The following GLIS1 variants were observed in gnomAD, a reference collection of about 807,000 sequenced individuals.
GLIS1 encodes zinc finger protein GLIS1.
Under a neutral mutation model 63.8 loss-of-function variants are expected in GLIS1, and 24 were observed. That is an observed-to-expected ratio of 0.38 (90% CI 0.27 to 0.53). GLIS1 has a LOEUF of 0.53. Ranked by LOEUF, GLIS1 falls within the 20% of genes least tolerant of loss-of-function variation. GLIS1 has a pLI of 0.85. For synonymous variants in GLIS1, 450 were observed against 482.5 expected, an observed-to-expected ratio of 0.93 and a Z score of 0.88; for missense variants, 1,036 against 1,074.1, an observed-to-expected ratio of 0.96 and a Z score of 0.50.
At chr1:53,634,340 A>G (rs999611063) in intron 2 of GLIS1, among the ~76,000 whole-genome samples, 1 of 152,218 alleles carries the variant, frequency 6.6e-6, no homozygotes, top group African/African-American at 2.4e-5. Context: ...GAATGAATAT[A>G]AAAAGAAAAG....
At chr1:53,518,178 C>T (rs1367025946) in intron 7 of GLIS1, among the ~76,000 whole-genome samples, 1 of 152,192 alleles carries the variant, frequency 6.6e-6, no homozygotes, top group African/African-American at 2.4e-5. Context: ...CTCCCCGCTG[C>T]ACTGGAAGCA....
chr1:53,594,402 G>T lies in GLIS1; in HGVS notation c.1026C>A (p.Pro342=), dbSNP rs770329114. 1 of 1,612,144 alleles carries T rather than the reference G, an allele frequency of 6.2e-7. No individual in the cohort carries two copies. Among genetic ancestry groups the T allele is most frequent in the Non-Finnish European group, 8.5e-7 (1 of 1,179,494 alleles). ...CAGGCGGCAACTGAGACAGGGGATAGGGGGGCGGCAGGCCCTGCTGGTGAG... is the reference window on the plus strand; with the variant it reads ...CAGGCGGCAACTGAGACAGGGGATATGGGGGCGGCAGGCCCTGCTGGTGAG... ...FGPHQQGLPP[P]YPLSQLPPGP... The change falls in exon 4 of 11, where the codon CCC becomes CCA. Residue 342 remains proline (P), a synonymous_variant. Coordinates refer to ENST00000628545, the MANE Select transcript of GLIS1 (RefSeq NM_001367484.1).
intron 4 of GLIS1, among the ~76,000 whole-genome samples, chr1:53,541,900 G>A (rs574491431): frequency 3.9e-5 from 6 of 152,364 alleles, no homozygotes; most frequent in African/African-American, 1.4e-4. Context: ...AGTTTGGTGA[G>A]GAAGGTGCCT....
At chr1:53,718,166 G>T (rs1178596364) in intron 2 of GLIS1, among the ~76,000 whole-genome samples, 1 of 152,238 alleles carries the variant, frequency 6.6e-6, no homozygotes, top group Admixed American at 6.5e-5. Flanking sequence ...AGAAAATTCT[G>T]AGAGCCACTC....
Position 53,514,656 on chromosome 1 carries a change from G to A in GLIS1, c.1852C>T (p.Pro618Ser). 1 of 1,613,834 alleles carries A rather than the reference G, an allele frequency of 6.2e-7. No homozygotes were observed. ...CGGGTGCTCTCAGCCATGGGCAGAG[G>A]GGACAGATGGTGGTGGGAACTGGTG... is the stretch of plus-strand genomic sequence containing the variant. ...ATTSSHHHLS[P>S]LPMAESTRDG... Residue 618 changes from proline to serine, a missense_variant, in exon 8 of 11, where the codon CCT (proline) becomes TCT (serine). Pro to Ser is a moderately conservative substitution (Grantham distance 74). Around this residue, in one of 3 missense-constraint regions of GLIS1, gnomAD observed 400 missense variants for 400.9 expected, o/e 1.00. Coordinates refer to ENST00000628545, the MANE Select transcript of GLIS1 (RefSeq NM_001367484.1).
In GLIS1 at chr1:53,731,412, C is replaced by G. The variant is rs528235389; in HGVS notation, c.259+6394G>C. On this transcript the variant is annotated intron_variant, in intron 2 of 10. Coordinates refer to ENST00000628545, the MANE Select transcript of GLIS1 (RefSeq NM_001367484.1). ...ATGTGGCTGTCTGGGCCCCCTGCAG[C>G]CTCCTGCTGCCTTCCTTTGGGCTTC... Among the ~76,000 whole-genome samples, 48 of 152,308 alleles carry G rather than the reference C, an allele frequency of 3.2e-4. 1 individual carries two copies. Among genetic ancestry groups the G allele is most frequent in the African/African-American group, 1.2e-3 (48 of 41,564 alleles).
At chr1:53,721,573 C>T (rs533457546) in intron 2 of GLIS1, among the ~76,000 whole-genome samples, 1 of 152,156 alleles carries the variant, frequency 6.6e-6, no homozygotes, top group Non-Finnish European at 1.5e-5. Context: ...TGAAGGTGGG[C>T]ACCACAGCAG....
chr1:53,701,404 T>C (rs1298114625), intron 2 of GLIS1, among the ~76,000 whole-genome samples: 1 of 152,142 alleles, frequency 6.6e-6, no homozygotes, highest in Non-Finnish European at 1.5e-5. Context: ...GAAGAGGAAA[T>C]TTGGGATTCA....
intron 5 of GLIS1, among the ~76,000 whole-genome samples, chr1:53,525,566 TAAG>T (rs1644459568): frequency 6.9e-6 from 1 of 145,408 alleles, no homozygotes; most frequent in South Asian, 2.4e-4. Context: ...ACCCAGAATA[TAAG>T]AAGTGGACCC....
chr1:53,738,236 C>A, intron 1 of GLIS1, 130 bp from the exon 2 acceptor site: 1 of 476,138 alleles, frequency 2.1e-6, no homozygotes, highest in Non-Finnish European at 3.3e-6. Context: ...AGCACCACGA[C>A]ACCTAGCCCA....
chr1:53,658,547 AG>A (rs1645991495), intron 2 of GLIS1, among the ~76,000 whole-genome samples: 1 of 152,224 alleles, frequency 6.6e-6, no homozygotes. Context: ...GCTCAAGGTC[AG>A]GGAAGAGAAA....
In GLIS1 at chr1:53,650,589, C is replaced by CAAA. The variant is rs61374751; in HGVS notation, c.260-50314_260-50312dup. Reference sequence around the variant, plus strand: ...TGGGCAACAGAGTGAGACTTCATCTCAAAAAAAAAAAAAAAAAAGACCACA... The same window carrying CAAA: ...TGGGCAACAGAGTGAGACTTCATCTCAAAAAAAAAAAAAAAAAAAAAGACCACA... On this transcript the variant is annotated intron_variant, in intron 2 of 10. Coordinates refer to ENST00000628545, the MANE Select transcript of GLIS1 (RefSeq NM_001367484.1). Among the ~76,000 whole-genome samples, 238 of 105,458 alleles carry CAAA rather than the reference C, an allele frequency of 2.3e-3. 3 individuals carry two copies. Among genetic ancestry groups the CAAA allele is most frequent in the African/African-American group, 9.1e-3 (225 of 24,704 alleles). The allele number at this position is 105,458 out of a possible 152,430, so 69.2% of individuals were successfully genotyped here. A position where few individuals can be genotyped will look rare whatever the true frequency, so the allele number is the denominator to read the frequency against.
chr1:53,566,814 C>T (rs911624169), intron 4 of GLIS1, among the ~76,000 whole-genome samples: 1 of 152,214 alleles, frequency 6.6e-6, no homozygotes, highest in East Asian at 1.9e-4. Context: ...TCCAAGTTTC[C>T]TGAGGCCTCT....
chr1:53,709,415 C>CATATATATACATAGACATATATATAT (rs777561220), intron 2 of GLIS1, among the ~76,000 whole-genome samples: 1 of 123,648 alleles, frequency 8.1e-6, no homozygotes, highest in African/African-American at 3.6e-5. Flanking sequence ...TATATATACA[C>CATATATATACATAGACATATATATAT]ACACACACAC....
At chr1:53,699,745 T>C (rs1646503683) in intron 2 of GLIS1, among the ~76,000 whole-genome samples, 2 of 152,178 alleles carry the variant, frequency 1.3e-5, no homozygotes, top group Non-Finnish European at 1.5e-5. Context: ...GAGAGGTCTC[T>C]TCCCAGCTTG....
At chr1:53,619,616 G>A (rs1645520091) in intron 2 of GLIS1, among the ~76,000 whole-genome samples, 1 of 152,172 alleles carries the variant, frequency 6.6e-6, no homozygotes. Flanking sequence ...GACATACTTG[G>A]GGTTCATCCC....
intron 4 of GLIS1, among the ~76,000 whole-genome samples, chr1:53,579,770 C>T (rs946858904): frequency 8.5e-5 from 13 of 152,200 alleles, no homozygotes; most frequent in African/African-American, 1.9e-4. Flanking sequence ...GGTGTGGCAA[C>T]GGGCTCAGAG....
chr1:53,581,308 C>T (rs570302939), intron 4 of GLIS1, among the ~76,000 whole-genome samples: 147 of 152,262 alleles, frequency 9.7e-4, no homozygotes, highest in Non-Finnish European at 1.9e-3. Flanking sequence ...ACCGTGCAGC[C>T]CTCAACACGA....
At chr1:53,711,340 T>G (rs1168099771) in intron 2 of GLIS1, among the ~76,000 whole-genome samples, 1 of 152,162 alleles carries the variant, frequency 6.6e-6, no homozygotes, top group Admixed American at 6.5e-5. Context: ...AGTGTACACA[T>G]GTATCAGACC....
Sources: allele counts gnomAD v4.1 joint callset (sites outside exome capture counted in the v4.1 genomes callset), GRCh38; gene constraint gnomAD v4.1.1; regional missense constraint gnomAD v4.1.1; transcripts MANE v1.5; gene names NCBI Gene and HGNC (gene_info 2026-07-23, HGNC 2026-07-21).